Variants in SPTBN4 observed in about 807,000 individuals in gnomAD.
The protein encoded by SPTBN4 is spectrin beta chain, non-erythrocytic 4.
Under a neutral mutation model 277.8 loss-of-function variants are expected in SPTBN4, and 96 were observed. That is an observed-to-expected ratio of 0.35 (90% CI 0.29 to 0.41). SPTBN4 has a LOEUF of 0.41. Ranked by LOEUF, SPTBN4 falls within the 10% of genes least tolerant of loss-of-function variation. The pLI, the probability that SPTBN4 is intolerant of heterozygous loss-of-function variation, is 1.00. For missense variants in SPTBN4, 3,006 were observed against 3,595.7 expected (o/e 0.84, Z 4.19); for synonymous variants, 1,481 against 1,580.3 (o/e 0.94, Z 1.49).
intron 13 of SPTBN4, among the ~76,000 whole-genome samples, chr19:40,509,980 C>G (rs1031347186): frequency 2.0e-5 from 3 of 152,142 alleles, no homozygotes; most frequent in African/African-American, 7.2e-5. Context: ...GCTCCCTTTG[C>G]CCTCGCCTTG....
chr19:40,503,968 T>C lies in SPTBN4; in HGVS notation c.1501T>C (p.Tyr501His), dbSNP rs1013976595. ...CCAGGCATTGGCAGCCGAAGGCTACTACGATATCCGGCGGGTGGCAGCCCA... is the reference window on the plus strand; with the variant it reads ...CCAGGCATTGGCAGCCGAAGGCTACCACGATATCCGGCGGGTGGCAGCCCA... The part of the protein sequence containing the change: ...LAQALAAEGY[Y>H]DIRRVAAQRD... The change falls in exon 12 of 36, where the codon TAC becomes CAC. Residue 501 changes from tyrosine (Y) to histidine (H), a missense_variant. By Grantham distance (83) the Tyr-to-His change is moderately conservative. This residue lies in a region of SPTBN4 where 1,759 missense variants were observed against 2,061.5 expected (regional missense o/e 0.85). Coordinates refer to ENST00000598249, the MANE Select transcript of SPTBN4 (RefSeq NM_020971.3). 1.9e-6 allele frequency: 3 copies of C among 1,613,812 alleles called. No individual in the cohort carries two copies. Among genetic ancestry groups the C allele is most frequent in the Non-Finnish European group, 1.7e-6 (2 of 1,180,006 alleles).
intron 21 of SPTBN4, 135 bp from the exon 22 acceptor site, chr19:40,550,103 T>C: frequency 1.6e-6 from 1 of 608,486 alleles, no homozygotes; most frequent in Admixed American, 3.1e-5. Context: ...AAACAAAAAA[T>C]GGAGGAGGCT....
rs943097680 is a variant in SPTBN4, at chr19:40,515,948, T to G, written c.2903+500T>G. 2.5e-5 allele frequency among the ~76,000 whole-genome samples: 2 copies of G among 79,064 alleles called. No individual in the cohort carries two copies. Among genetic ancestry groups the G allele is most frequent in the Admixed American group, 2.2e-4 (2 of 8,944 alleles). 51.9% of individuals were successfully genotyped at this position (79,064 alleles called of 152,430 possible). On this transcript the variant is annotated intron_variant, in intron 15 of 35. Coordinates refer to ENST00000598249, the MANE Select transcript of SPTBN4 (RefSeq NM_020971.3). The surrounding 1 kb of genome is among the most constrained non-coding windows in gnomAD (Gnocchi z 4.1). ...ATATATACACACATATATACGTATATATACACATATATACGTATATATACA... is the reference window on the plus strand; with the variant it reads ...ATATATACACACATATATACGTATAGATACACATATATACGTATATATACA...
intron 5 of SPTBN4, 110 bp from the exon 6 acceptor site, chr19:40,494,787 C>G (rs2080177428): frequency 1.1e-6 from 1 of 906,156 alleles, no homozygotes; most frequent in Non-Finnish European, 1.7e-6. Flanking sequence ...TGTTCTACCC[C>G]CTCTCTCTCA....
Position 40,503,893 on chromosome 19 carries a change from G to A in SPTBN4, c.1426G>A (p.Ala476Thr), listed in dbSNP as rs12978667. The A allele has an allele frequency of 1.9e-6, 3 of 1,612,164 alleles. No individual in the cohort carries two copies. The highest frequency in any genetic ancestry group is 1.7e-5 in the Admixed American group (1 of 59,960). ...CATGAAGAAACACGAAGCGATCGAG[G>A]CAGACATTGCGGCCTACGAGGAGCG... Reference protein sequence around the residue: ...AAMKKHEAIEADIAAYEERVQ... With the variant: ...AAMKKHEAIETDIAAYEERVQ... The change falls in exon 12 of 36, where the codon GCA becomes ACA. Residue 476 changes from alanine (A) to threonine (T), a missense_variant. Physicochemically the swap from Ala to Thr is moderately conservative, Grantham distance 58 (BLOSUM62 0). Transcript: ENST00000598249.
intron 2 of SPTBN4, 129 bp downstream of exon 2, chr19:40,472,919 AAT>A: frequency 2.1e-6 from 2 of 934,452 alleles, no homozygotes; most frequent in South Asian, 1.9e-5. Flanking sequence ...TGATGGTGGA[AAT>A]AGTCTATATC....
chr19:40,469,959 T>A (rs543149846), intron 1 of SPTBN4, among the ~76,000 whole-genome samples: 9 of 150,490 alleles, frequency 6.0e-5, no homozygotes, highest in Middle Eastern at 3.7e-3. Flanking sequence ...CTTCTTTTTT[T>A]AAATAATTTT....
intron 6 of SPTBN4, among the ~76,000 whole-genome samples, chr19:40,496,629 G>C (rs998877665): frequency 1.3e-5 from 2 of 152,190 alleles, no homozygotes; most frequent in African/African-American, 2.4e-5. Context: ...CCAAAGCACA[G>C]AGAAACGCAG....
At chr19:40,530,664 T>TGCCC (rs1258486488) in intron 18 of SPTBN4, 1 of 598,138 alleles carries the variant, frequency 1.7e-6, no homozygotes, top group Non-Finnish European at 2.0e-6. Context: ...CTCGGGCGCG[T>TGCCC]GCCCGCCCGT....
chr19:40,535,027 T>C (rs79841705), intron 20 of SPTBN4, among the ~76,000 whole-genome samples: 3,265 of 152,248 alleles, frequency 0.021, 53 homozygotes, highest in Non-Finnish European at 0.033. Context: ...GCCTTTGATT[T>C]TCTTTTTTTG....
intron 22 of SPTBN4, among the ~76,000 whole-genome samples, chr19:40,552,281 G>A (rs77706489): frequency 3.3e-5 from 5 of 151,522 alleles, no homozygotes; most frequent in East Asian, 3.9e-4. Context: ...CGGTGAAACC[G>A]CGTCTCTACT....
chr19:40,554,814 G>A lies in SPTBN4; in HGVS notation c.5084+168G>A. The stretch of plus-strand genomic sequence containing the variant: ...TGGGCGGGCCGGAATGGGGGGACAC[G>A]GCTCAGGGATGGTTGAGAGGGTGGG... On this transcript the variant is annotated intron_variant, in intron 24 of 35. Coordinates refer to ENST00000598249, the MANE Select transcript of SPTBN4 (RefSeq NM_020971.3). The surrounding 1 kb of genome is among the most constrained non-coding windows in gnomAD (Gnocchi z 5.7). 9.7e-7 allele frequency: 1 copy of A among 1,025,664 alleles called. No homozygotes were observed. The highest frequency in any genetic ancestry group is 1.5e-5 in the South Asian group (1 of 66,552). The allele number at this position is 1,025,664 out of a possible 1,614,324, so 63.5% of individuals were successfully genotyped here.
At chr19:40,561,557 C>G (rs747616313) in intron 27 of SPTBN4, among the ~76,000 whole-genome samples, 3 of 152,150 alleles carry the variant, frequency 2.0e-5, no homozygotes, top group Non-Finnish European at 2.9e-5. Context: ...CACAGTGGCT[C>G]ACGCCTGTAA....
intron 15 of SPTBN4, among the ~76,000 whole-genome samples, chr19:40,518,343 G>A (rs2145874455): frequency 6.6e-6 from 1 of 152,082 alleles, no homozygotes; most frequent in African/African-American, 2.4e-5. Context: ...AAACTATTGA[G>A]GACCCCAAGA....
In SPTBN4 at chr19:40,567,643, C is replaced by G; in HGVS notation, c.6337-20C>G. 6.7e-7 allele frequency: 1 copy of G among 1,482,194 alleles called. No homozygotes were observed. Among genetic ancestry groups the G allele is most frequent in the Non-Finnish European group, 9.0e-7 (1 of 1,114,736 alleles). The allele number at this position is 1,482,194 out of a possible 1,614,324, so 91.8% of individuals were successfully genotyped here. On this transcript the variant is annotated intron_variant, in intron 30 of 35. Coordinates refer to ENST00000598249, the MANE Select transcript of SPTBN4 (RefSeq NM_020971.3). Reference sequence around the variant, plus strand: ...CCCGGCCCCACGCCTCCAACCTAACCCTGGTCCCTCCATCCTCAGATCGAG... The same window carrying G: ...CCCGGCCCCACGCCTCCAACCTAACGCTGGTCCCTCCATCCTCAGATCGAG...
intron 20 of SPTBN4, among the ~76,000 whole-genome samples, chr19:40,545,673 C>A (rs1031434615): frequency 6.6e-6 from 1 of 151,936 alleles, no homozygotes; most frequent in Non-Finnish European, 1.5e-5. Context: ...TTTGGGAGGC[C>A]GAGGTGGGTG....
At position 40,557,243 on chromosome 19, in the gene SPTBN4, A is replaced by G. The variant is rs1009530858; in HGVS notation, c.5510A>G (p.His1837Arg). ...CTGCTGGCCGCCTCTCGGGAGCTTCATAAGTTCTTCAGTGACGCCCGAGAG... is the reference window on the plus strand; with the variant it reads ...CTGCTGGCCGCCTCTCGGGAGCTTCGTAAGTTCTTCAGTGACGCCCGAGAG... ...AQLLAASREL[H>R]KFFSDARELQ... The change falls in exon 26 of 36, where the codon CAT (histidine) becomes CGT (arginine). Residue 1837 changes from histidine to arginine, a missense_variant. By Grantham distance (29) the His-to-Arg change is conservative. Around this residue, in one of 5 missense-constraint regions of SPTBN4, gnomAD observed 425 missense variants for 594.7 expected, o/e 0.71. Transcript: ENST00000598249. 2 of 1,613,324 alleles carry G rather than the reference A, an allele frequency of 1.2e-6. No individual in the cohort carries two copies. The highest frequency in any genetic ancestry group is 2.2e-5 in the East Asian group (1 of 44,870).
In SPTBN4 at chr19:40,502,578, G is replaced by C; in HGVS notation, c.1203+71G>C. 1 of 1,472,484 alleles carries C rather than the reference G, an allele frequency of 6.8e-7. No individual in the cohort carries two copies. Among genetic ancestry groups the C allele is most frequent in the Non-Finnish European group, 9.2e-7 (1 of 1,085,818 alleles). The allele number at this position is 1,472,484 out of a possible 1,614,324, so 91.2% of individuals were successfully genotyped here. ...TGTATAGGTTGCACACTGCTCAAGG[G>C]AATCATTCACATTGTAGACATGATG... On this transcript the variant is annotated intron_variant, in intron 10 of 35. Transcript: ENST00000598249. This position sits in a 1 kb window ranked among gnomAD's most constrained non-coding sequence, Gnocchi z 4.9.
At position 40,549,289 on chromosome 19, in the gene SPTBN4, G is replaced by A; in HGVS notation, c.4460G>A (p.Gly1487Asp). The change falls in exon 21 of 36, where the codon GGT becomes GAT. Residue 1487 changes from glycine to aspartate, a missense_variant. By Grantham distance (94) the Gly-to-Asp change is moderately conservative. Coordinates refer to ENST00000598249, the MANE Select transcript of SPTBN4 (RefSeq NM_020971.3). ...GAGCCGGCGAGCAAGGAGCTGGTGG[G>A]TGAGCGGCAGAACGCGGTGGGCGAG... Reference protein sequence around the residue: ...PLEPASKELVGERQNAVGERL... With the variant: ...PLEPASKELVDERQNAVGERL... 1.9e-6 allele frequency: 3 copies of A among 1,543,900 alleles called. No individual in the cohort carries two copies.
Sources: allele counts gnomAD v4.1 joint callset (sites outside exome capture counted in the v4.1 genomes callset), GRCh38; gene constraint gnomAD v4.1.1; regional missense constraint gnomAD v4.1.1; non-coding constraint Gnocchi (gnomAD v3.1); transcripts MANE v1.5; gene names NCBI Gene and HGNC (gene_info 2026-07-23, HGNC 2026-07-21).